GOLGA4: variants seen among roughly 807,000 people sequenced by gnomAD.
The protein encoded by GOLGA4 is golgin A4.
Under a neutral mutation model 265.9 loss-of-function variants are expected in GOLGA4, and 169 were observed. That is an observed-to-expected ratio of 0.64 (90% CI 0.56 to 0.72). The LOEUF (loss-of-function observed/expected upper bound fraction) is 0.72. GOLGA4 is among the 30% of genes least tolerant of loss of function. GOLGA4 has a pLI of 0.00. For missense variants in GOLGA4, 2,482 were observed against 2,483.4 expected, an observed-to-expected ratio of 1.00 and a Z score of 0.01; for synonymous variants, 923 against 855.8, an observed-to-expected ratio of 1.08 and a Z score of -1.37.
rs1358252725 is a variant in GOLGA4, at chr3:37,366,082, A to T, written c.*36A>T. 6.5e-7 allele frequency: 1 copy of T among 1,528,976 alleles called. No individual in the cohort carries two copies. The allele number at this position is 1,528,976 out of a possible 1,614,324, so 94.7% of individuals were successfully genotyped here. On this transcript the variant is annotated splice_region_variant and 3_prime_UTR_variant, in exon 24 of 24. Transcript: ENST00000361924. The stretch of plus-strand genomic sequence containing the variant: ...CTCTTTTCCTTTTTCTTTTCCAGTC[A>T]TGGCTCCGATCTTCATCTTGAAGAA...
intron 10 of GOLGA4, among the ~76,000 whole-genome samples, chr3:37,305,265 T>TA (rs2096903089): frequency 6.6e-6 from 1 of 152,212 alleles, no homozygotes; most frequent in Non-Finnish European, 1.5e-5. Context: ...AGTCTTTAGA[T>TA]AACAAAGTTG....
At chr3:37,254,888 T>C (rs887659326) in intron 2 of GOLGA4, among the ~76,000 whole-genome samples, 1 of 148,196 alleles carries the variant, frequency 6.7e-6, no homozygotes, top group African/African-American at 2.4e-5. Context: ...ATATACATTA[T>C]ATAAATTAGC....
At chr3:37,266,956 G>A (rs751974590) in intron 2 of GOLGA4, 82 of 1,151,148 alleles carry the variant, frequency 7.1e-5, no homozygotes, top group Non-Finnish European at 8.7e-5. Flanking sequence ...TCCTTCCACC[G>A]CTTTCTGCAT....
At chr3:37,272,293 G>C (rs2096801010) in intron 2 of GOLGA4, among the ~76,000 whole-genome samples, 1 of 152,144 alleles carries the variant, frequency 6.6e-6, no homozygotes, top group South Asian at 2.1e-4. Flanking sequence ...GCTCACACTT[G>C]TAATCCCAGC....
intron 3 of GOLGA4, among the ~76,000 whole-genome samples, chr3:37,284,367 G>GC (rs2096842649): frequency 6.6e-6 from 1 of 151,990 alleles, no homozygotes; most frequent in South Asian, 2.1e-4. Flanking sequence ...TGGGTCCTGG[G>GC]CCAAGCAGTT....
At chr3:37,282,497 G>A (rs1179972612) in intron 3 of GOLGA4, among the ~76,000 whole-genome samples, 1 of 152,192 alleles carries the variant, frequency 6.6e-6, no homozygotes, top group East Asian at 1.9e-4. Flanking sequence ...TTTTGGAGAA[G>A]ATTGTTGTCT....
intron 4 of GOLGA4, 116 bp from the exon 5 acceptor site, chr3:37,289,118 GT>G: frequency 1.6e-6 from 1 of 617,488 alleles, no homozygotes; most frequent in Non-Finnish European, 2.8e-6. Flanking sequence ...CTATCTTCAG[GT>G]TATTTTTGGA....
intron 21 of GOLGA4, among the ~76,000 whole-genome samples, chr3:37,352,437 A>G (rs2097077461): frequency 6.6e-6 from 1 of 152,060 alleles, no homozygotes. Context: ...CCCATGATTC[A>G]GTTACCTCCC....
At chr3:37,356,935 G>C (rs951524927) in intron 22 of GOLGA4, among the ~76,000 whole-genome samples, 1 of 152,116 alleles carries the variant, frequency 6.6e-6, no homozygotes, top group Non-Finnish European at 1.5e-5. Flanking sequence ...CTAAGTCGCT[G>C]CTCTAGCAAA....
intron 2 of GOLGA4, among the ~76,000 whole-genome samples, chr3:37,268,040 A>G (rs975491594): frequency 1.3e-5 from 2 of 152,148 alleles, no homozygotes; most frequent in African/African-American, 2.4e-5. Context: ...TTGGGAGGGA[A>G]TCAGAAGTCC....
intron 5 of GOLGA4, among the ~76,000 whole-genome samples, chr3:37,290,826 T>TCGATA (rs1244897932): frequency 2.6e-5 from 4 of 152,138 alleles, no homozygotes; most frequent in Non-Finnish European, 4.4e-5. Context: ...AGCTAGGGTA[T>TCGATA]CCTCTTTTGT....
chr3:37,261,270 C>T (rs910457006), intron 2 of GOLGA4, among the ~76,000 whole-genome samples: 2 of 152,160 alleles, frequency 1.3e-5, no homozygotes, highest in Non-Finnish European at 2.9e-5. Flanking sequence ...GACTTTAGGA[C>T]TTTCGGTCAA....
chr3:37,327,496 TAGAGTTGAAATGGA>T lies in GOLGA4; in HGVS notation c.5619_5632del (p.Glu1873AspfsTer5). 2 of 1,613,132 alleles carry T rather than the reference TAGAGTTGAAATGGA, an allele frequency of 1.2e-6. No homozygotes were observed. Among genetic ancestry groups the T allele is most frequent in the Non-Finnish European group, 1.7e-6 (2 of 1,179,286 alleles). Reference sequence around the variant, plus strand: ...GCTTAGTAAGACAGAAAGAAGTACATAGAGTTGAAATGGAAGAGTTGACCTCAAAATATGAAAAA... The same window carrying T: ...GCTTAGTAAGACAGAAAGAAGTACATAGAGTTGACCTCAAAATATGAAAAA... On this transcript the variant is annotated frameshift_variant, in exon 14 of 24. Coordinates refer to ENST00000361924, the MANE Select transcript of GOLGA4 (RefSeq NM_002078.5). LOFTEE classifies it high-confidence loss of function.
intron 1 of GOLGA4, among the ~76,000 whole-genome samples, chr3:37,249,107 G>A (rs955140220): frequency 2.6e-5 from 4 of 152,176 alleles, no homozygotes; most frequent in Non-Finnish European, 5.9e-5. Flanking sequence ...AGCCTTTGAG[G>A]CACCTACAGC....
chr3:37,361,221 T>C (rs1696240284), intron 22 of GOLGA4, 22 bp from the exon 23 acceptor site: 2 of 1,599,134 alleles, frequency 1.3e-6, no homozygotes, highest in Non-Finnish European at 1.7e-6. Context: ...CCAATAAGCT[T>C]TTTTTCTTCC....
At chr3:37,251,064 T>C (rs2096732341) in intron 1 of GOLGA4, among the ~76,000 whole-genome samples, 1 of 152,198 alleles carries the variant, frequency 6.6e-6, no homozygotes, top group Non-Finnish European at 1.5e-5. Context: ...AGAGTTTTTA[T>C]ATACCCCTCA....
rs1430895979 is a variant in GOLGA4 at position 37,243,402 on chromosome 3, A to G, written c.-149A>G. 2.9e-6 allele frequency: 2 copies of G among 688,526 alleles called. No individual in the cohort carries two copies. Among genetic ancestry groups the G allele is most frequent in the Non-Finnish European group, 5.2e-6 (2 of 383,272 alleles). 42.7% of individuals were successfully genotyped at this position (688,526 alleles called of 1,614,324 possible). A position where few individuals can be genotyped will look rare whatever the true frequency, so the allele number is the denominator to read the frequency against. ...CGACACCCTCAGGACGAGTGTCCGGACTTGCCCACAGCCTCAAGGAGGAGA... is the reference window on the plus strand; with the variant it reads ...CGACACCCTCAGGACGAGTGTCCGGGCTTGCCCACAGCCTCAAGGAGGAGA... On this transcript the variant is annotated 5_prime_UTR_variant, in exon 1 of 24. Coordinates refer to ENST00000361924, the MANE Select transcript of GOLGA4 (RefSeq NM_002078.5).
intron 7 of GOLGA4, 89 bp downstream of exon 7, chr3:37,296,308 G>T (rs1559395370): frequency 3.4e-5 from 43 of 1,266,946 alleles, no homozygotes; most frequent in Non-Finnish European, 4.7e-5. Context: ...CACTTTGGGA[G>T]GCCAGTGTGG....
At chr3:37,356,065 C>T (rs1202881037) in intron 22 of GOLGA4, among the ~76,000 whole-genome samples, 1 of 152,128 alleles carries the variant, frequency 6.6e-6, no homozygotes, top group African/African-American at 2.4e-5. Context: ...CAAAGTATCT[C>T]ATCGTATCCT....
Sources: gnomAD v4.1 joint callset for allele counts (sites outside exome capture counted in the v4.1 genomes callset) on GRCh38, gnomAD v4.1.1 for gene constraint, MANE v1.5 for transcripts, NCBI Gene and HGNC (gene_info 2026-07-23, HGNC 2026-07-21) for gene names.